The following RADX variants were observed in gnomAD, a reference collection of about 807,000 sequenced individuals.
RADX encodes the protein RPA1 related single stranded DNA binding protein, X-linked.
In RADX, 36 loss-of-function variants were observed where a neutral mutation model predicts 61.6. The ratio of observed to expected loss-of-function variants is 0.58; its 90% CI spans 0.45 to 0.77. The LOEUF (loss-of-function observed/expected upper bound fraction) is 0.77, where lower values mean the gene tolerates loss of function less well. Ranked by LOEUF, RADX falls within the 30% of genes least tolerant of loss-of-function variation. The probability of loss-of-function intolerance (pLI) is 0.00; values close to 1 mark genes in which losing one functional copy is unlikely to be tolerated. For missense variants in RADX, 497 were observed against 651.1 expected (o/e 0.76, Z 2.58); for synonymous variants, 272 against 237.9 (o/e 1.14, Z -1.32).
At chrX:106,672,795 G>C (rs143074594) in intron 13 of RADX, among the ~76,000 whole-genome samples, 29 of 111,836 alleles carry the variant, frequency 2.6e-4, no homozygotes, top group African/African-American at 8.8e-4. Context: ...AATCTTAGAC[G>C]TCTACCTGGT....
chrX:106,652,863 G>A (rs1249129408), intron 11 of RADX, among the ~76,000 whole-genome samples: 1 of 108,740 alleles, frequency 9.2e-6, no homozygotes, highest in Admixed American at 9.9e-5. Context: ...GAGCATGCCT[G>A]TATTACCAGT....
intron 13 of RADX, among the ~76,000 whole-genome samples, chrX:106,673,584 C>T (rs973211309): frequency 9.2e-6 from 1 of 108,292 alleles, no homozygotes; most frequent in Non-Finnish European, 1.9e-5. Flanking sequence ...TCTTTGGGAG[C>T]CATGGGCTGT....
rs1928215024 is a variant in RADX at position 106,665,781 on chromosome X, C to G, written c.2270-3382C>G. On this transcript the variant is annotated intron_variant, in intron 12 of 13. Coordinates refer to ENST00000372548, the MANE Select transcript of RADX (RefSeq NM_018015.6). ...CCTGGAGCCAAAAATGTTATTTGGACCACAACTCTGTTACTTGGTCATTAC... is the reference window on the plus strand; with the variant it reads ...CCTGGAGCCAAAAATGTTATTTGGAGCACAACTCTGTTACTTGGTCATTAC... 2.7e-5 allele frequency among the ~76,000 whole-genome samples: 3 copies of G among 111,918 alleles called. No homozygotes were observed. In the Admixed American group the frequency reaches 2.9e-4, roughly 11 times the overall value.
chrX:106,624,312 A>G (rs868239927), intron 2 of RADX, among the ~76,000 whole-genome samples: 6 of 111,496 alleles, frequency 5.4e-5, no homozygotes, highest in Non-Finnish European at 1.1e-4. Context: ...TGCATAACCC[A>G]GTTACACATA....
chrX:106,667,765 A>C (rs1928266121), intron 12 of RADX, among the ~76,000 whole-genome samples: 1 of 112,282 alleles, frequency 8.9e-6, no homozygotes, highest in Non-Finnish European at 1.9e-5. Flanking sequence ...TGAAAATATC[A>C]GGATTTCCAA....
chrX:106,619,659 A>G, intron 1 of RADX, among the ~76,000 whole-genome samples: 1 of 111,919 alleles, frequency 8.9e-6, no homozygotes, highest in South Asian at 3.7e-4. Flanking sequence ...TATGGCAATA[A>G]TGGTAATTCA....
intron 13 of RADX, among the ~76,000 whole-genome samples, chrX:106,675,138 A>G (rs1390915204): frequency 8.9e-6 from 1 of 112,034 alleles, no homozygotes; most frequent in Non-Finnish European, 1.9e-5. Context: ...ACTTGGTGTC[A>G]TCTTTAACTT....
In RADX at chrX:106,640,578, A is replaced by G. The variant is rs780543455; in HGVS notation, c.1761A>G (p.Gln587=). The G allele has an allele frequency of 2.0e-5, 24 of 1,196,814 alleles. No individual in the cohort carries two copies. The highest frequency in any genetic ancestry group is 2.3e-4 in the Middle Eastern group (1 of 4,315). ...LRNANRPSTS[Q]AARVEIQERN... ...ATGCTAACAGACCCTCGACCTCTCA[A>G]GCAGCTAGAGTAGAAATTCAAGAAA... is the stretch of plus-strand genomic sequence containing the variant. Residue 587 remains glutamine, a synonymous_variant, in exon 10 of 14, where the codon CAA becomes CAG. Coordinates refer to ENST00000372548, the MANE Select transcript of RADX (RefSeq NM_018015.6).
Position 106,675,180 on chromosome X carries a change from G to C in RADX, c.2438-2948G>C, listed in dbSNP as rs1487354167. ...CCAAGGATATCATTTTGGAAGTACA[G>C]CATGGTATGGAAATGTTTTAACACA... On this transcript the variant is annotated intron_variant, in intron 13 of 13. Transcript: ENST00000372548. Among the ~76,000 whole-genome samples the C allele has an allele frequency of 1.2e-4, 14 of 112,088 alleles. 1 individual carries two copies. Among genetic ancestry groups the C allele is most frequent in the Admixed American group, 2.8e-4 (3 of 10,627 alleles).
chrX:106,656,267 C>G (rs756809427), intron 11 of RADX, among the ~76,000 whole-genome samples: 2 of 111,907 alleles, frequency 1.8e-5, no homozygotes, highest in Non-Finnish European at 3.8e-5. Flanking sequence ...TCTTCAGACT[C>G]CACTTCTAAT....
chrX:106,679,236 T>C lies in RADX; in HGVS notation c.*978T>C, dbSNP rs1173931797. ...AGTTAAGCTATAAACTTGTGGGATT[T>C]TCTTGTAGCCCTATAGTTCTGTGAC... is the stretch of plus-strand genomic sequence containing the variant. On this transcript the variant is annotated 3_prime_UTR_variant, in exon 14 of 14. Transcript: ENST00000372548. 8.9e-6 allele frequency: 1 copy of C among 112,054 alleles called. No individual in the cohort carries two copies. Among genetic ancestry groups the C allele is most frequent in the Admixed American group, 9.5e-5 (1 of 10,559 alleles). 9.2% of individuals were successfully genotyped at this position (112,054 alleles called of 1,213,427 possible). A position where few individuals can be genotyped will look rare whatever the true frequency, so the allele number is the denominator to read the frequency against.
At chrX:106,620,681 GA>G (rs949876674) in intron 1 of RADX, among the ~76,000 whole-genome samples, 6 of 107,506 alleles carry the variant, frequency 5.6e-5, no homozygotes, top group Admixed American at 9.9e-5. Context: ...CTTAACAAAA[GA>G]AAAAAAAATA....
At chrX:106,648,461 C>T (rs1927718088) in intron 11 of RADX, 75 bp downstream of exon 11, 1 of 691,889 alleles carries the variant, frequency 1.4e-6, no homozygotes, top group Non-Finnish European at 2.3e-6. Context: ...TATTTAATTA[C>T]TAAGCACAAG....
chrX:106,612,503 A>T lies in RADX; in HGVS notation c.423A>T (p.Lys141Asn), dbSNP rs1304234866. 4 of 1,209,254 alleles carry T rather than the reference A, an allele frequency of 3.3e-6. No individual in the cohort carries two copies. The highest frequency in any genetic ancestry group is 4.5e-6 in the Non-Finnish European group (4 of 894,592). Reference sequence around the variant, plus strand: ...GGGTCTCATGTCTTTACAATGAGAAAAGGATAGGCCAGGGGATCCTGTGCA... The same window carrying T: ...GGGTCTCATGTCTTTACAATGAGAATAGGATAGGCCAGGGGATCCTGTGCA... ...ISRVSCLYNEKRIGQGILCID... is the reference protein window; with the variant it reads ...ISRVSCLYNENRIGQGILCID... Residue 141 changes from lysine to asparagine, a missense_variant, in exon 1 of 14, where the codon AAA (lysine) becomes AAT (asparagine). By Grantham distance (94) the Lys-to-Asn change is moderately conservative. Coordinates refer to ENST00000372548, the MANE Select transcript of RADX (RefSeq NM_018015.6).
At chrX:106,663,888 T>A (rs765443265) in intron 12 of RADX, among the ~76,000 whole-genome samples, 1 of 112,056 alleles carries the variant, frequency 8.9e-6, no homozygotes, top group South Asian at 3.7e-4. Flanking sequence ...ACTTCTCAGC[T>A]GTATTACATG....
Position 106,633,595 on chromosome X carries a change from T to C in RADX, c.1303+343T>C, listed in dbSNP as rs1034000447. Among the ~76,000 whole-genome samples, 3 of 111,909 alleles carry C rather than the reference T, an allele frequency of 2.7e-5. No individual in the cohort carries two copies. The South Asian group carries it at 1.1e-3, about 42-fold the overall frequency. On this transcript the variant is annotated intron_variant, in intron 6 of 13. Coordinates refer to ENST00000372548, the MANE Select transcript of RADX (RefSeq NM_018015.6). ...CCCTTTTTATACATTTGGAAATTGA[T>C]TAAGTAGACCACATTAAAGACATCG...
At chrX:106,648,489 G>A in intron 11 of RADX, 103 bp downstream of exon 11, 10 of 539,358 alleles carry the variant, frequency 1.9e-5, no homozygotes, top group Non-Finnish European at 3.1e-5. Flanking sequence ...TGCTTAGAAT[G>A]TATACTTTGC....
At chrX:106,641,295 G>A (rs1322206366) in intron 10 of RADX, among the ~76,000 whole-genome samples, 1 of 102,843 alleles carries the variant, frequency 9.7e-6, no homozygotes, top group African/African-American at 4.3e-5. Flanking sequence ...CAAAATTCCT[G>A]TCCTTCTCAT....
In RADX at chrX:106,622,813, A is replaced by G. The variant is rs751326391; in HGVS notation, c.786+20A>G. On this transcript the variant is annotated intron_variant, in intron 2 of 13. Coordinates refer to ENST00000372548, the MANE Select transcript of RADX (RefSeq NM_018015.6). ...TATCAGGTACAAGTAATAAGATATC[A>G]TATGTTAATTTAAAAGTTATAAATT... The G allele has an allele frequency of 3.0e-6, 3 of 1,014,578 alleles. No individual in the cohort carries two copies. Among genetic ancestry groups the G allele is most frequent in the African/African-American group, 1.9e-5 (1 of 51,570 alleles). The allele number at this position is 1,014,578 out of a possible 1,213,427, so 83.6% of individuals were successfully genotyped here. A position where few individuals can be genotyped will look rare whatever the true frequency, so the allele number is the denominator to read the frequency against.
Sources: gnomAD v4.1 joint callset for allele counts (sites outside exome capture counted in the v4.1 genomes callset) on GRCh38, gnomAD v4.1.1 for gene constraint, MANE v1.5 for transcripts, NCBI Gene and HGNC (gene_info 2026-07-23, HGNC 2026-07-21) for gene names.